NBAS: variants seen among roughly 807,000 people sequenced by gnomAD.
The protein encoded by NBAS is NBAS subunit of NRZ tethering complex.
In NBAS, 219 loss-of-function variants were observed where a neutral mutation model predicts 302.5. The observed-to-expected ratio is 0.72, with a 90% CI of 0.65 to 0.81. The LOEUF (loss-of-function observed/expected upper bound fraction) is 0.81, where lower values mean the gene tolerates loss of function less well. Among genes scored for constraint, NBAS ranks in the 30% least tolerant of loss-of-function variants. The probability of loss-of-function intolerance (pLI) is 0.00; values close to 1 mark genes in which losing one functional copy is unlikely to be tolerated. For missense variants in NBAS, 2,932 were observed against 2,841.6 expected (o/e 1.03, Z -0.72); for synonymous variants, 1,118 against 1,021.6 (o/e 1.09, Z -1.80).
At chr2:15,239,369 ATGTG>A (rs890480565) in intron 44 of NBAS, among the ~76,000 whole-genome samples, 9 of 139,584 alleles carry the variant, frequency 6.4e-5, no homozygotes, top group Non-Finnish European at 1.1e-4. Context: ...TTTCTATTTT[ATGTG>A]TGTGTGTATG....
At chr2:15,301,214 T>C (rs1240433976) in intron 40 of NBAS, among the ~76,000 whole-genome samples, 2 of 152,110 alleles carry the variant, frequency 1.3e-5, no homozygotes, top group East Asian at 3.9e-4. Context: ...AAAAAGCAGG[T>C]AAAGCCTGGA....
chr2:15,451,618 G>C (rs186935514), intron 21 of NBAS, among the ~76,000 whole-genome samples: 4 of 152,122 alleles, frequency 2.6e-5, no homozygotes, highest in Middle Eastern at 3.4e-3. Flanking sequence ...AATCAAATTT[G>C]TTCTACTGGA....
At chr2:15,310,784 G>T (rs1027667682) in intron 38 of NBAS, among the ~76,000 whole-genome samples, 1 of 152,186 alleles carries the variant, frequency 6.6e-6, no homozygotes, top group Admixed American at 6.5e-5. Flanking sequence ...CCCCACCTGG[G>T]TGTGTCCTGC....
intron 9 of NBAS, among the ~76,000 whole-genome samples, chr2:15,524,798 A>T (rs1327250326): frequency 4.8e-5 from 7 of 146,076 alleles, no homozygotes; most frequent in African/African-American, 1.2e-4. Flanking sequence ...CTAGGTATGC[A>T]TTTTTTTTTT....
intron 21 of NBAS, among the ~76,000 whole-genome samples, chr2:15,439,570 G>A (rs529485655): frequency 4.6e-5 from 7 of 152,234 alleles, no homozygotes; most frequent in Non-Finnish European, 7.4e-5. Context: ...AGCTCCCAGC[G>A]TGAGCGATGC....
At position 15,539,277 on chromosome 2, in the gene NBAS, T is replaced by C. The variant is rs139856532; in HGVS notation, c.459A>G (p.Thr153=). Residue 153 remains threonine, a synonymous_variant, in exon 7 of 52, where the codon ACA becomes ACG. Transcript: ENST00000281513. ...TGAGATCAAACACCCTCACAGTTCCTGTGCTTTCGGCATAGGCCAGTAGGG... is the reference window on the plus strand; with the variant it reads ...TGAGATCAAACACCCTCACAGTTCCCGTGCTTTCGGCATAGGCCAGTAGGG... ...DCTLLAYAES[T]GTVRVFDLMG... is the part of the protein sequence containing the mutation. 64 of 1,614,116 alleles carry C rather than the reference T, an allele frequency of 4.0e-5. No individual in the cohort carries two copies. The highest frequency in any genetic ancestry group is 5.0e-5 in the Non-Finnish European group (59 of 1,180,048).
the NBAS span, among the ~76,000 whole-genome samples, chr2:14,846,999 T>C: frequency 6.6e-6 from 1 of 152,038 alleles, no homozygotes; most frequent in African/African-American, 2.4e-5. Flanking sequence ...TGGACCAACC[T>C]CTCCAATCAA....
chr2:15,225,311 C>T (rs1429269720), intron 47 of NBAS, among the ~76,000 whole-genome samples: 2 of 152,082 alleles, frequency 1.3e-5, no homozygotes, highest in African/African-American at 2.4e-5. Flanking sequence ...TGAAGTGATA[C>T]AGAAATATTG....
At chr2:14,924,030 T>C in the NBAS span, among the ~76,000 whole-genome samples, 2 of 152,136 alleles carry the variant, frequency 1.3e-5, no homozygotes, top group Non-Finnish European at 2.9e-5. Context: ...ATGCAATCAC[T>C]TGGAAGCTCT....
intron 10 of NBAS, 44 bp from the exon 11 acceptor site, chr2:15,504,257 C>A: frequency 1.4e-6 from 2 of 1,439,440 alleles, no homozygotes; most frequent in South Asian, 1.1e-5. Flanking sequence ...ACTGAAATGA[C>A]TTATCGTTGT....
chr2:14,857,740 A>T, the NBAS span, among the ~76,000 whole-genome samples: 1 of 152,210 alleles, frequency 6.6e-6, no homozygotes, highest in Non-Finnish European at 1.5e-5. Context: ...CATTGGGGAA[A>T]ACTCTCCAGG....
the NBAS span, among the ~76,000 whole-genome samples, chr2:14,959,042 G>C: frequency 1.3e-5 from 2 of 152,176 alleles, no homozygotes; most frequent in Non-Finnish European, 1.5e-5. Flanking sequence ...GAAGGAAGGA[G>C]TTGAGAAGAA....
At chr2:15,209,470 CAGACAA>C (rs967893887) in intron 48 of NBAS, among the ~76,000 whole-genome samples, 2 of 151,916 alleles carry the variant, frequency 1.3e-5, no homozygotes, top group African/African-American at 4.8e-5. Flanking sequence ...ATACTAAACC[CAGACAA>C]AGACACATTA....
rs373368232 is a variant in NBAS at position 15,553,443 on chromosome 2, A to T, written c.318T>A (p.Asp106Glu). 6.2e-7 allele frequency: 1 copy of T among 1,611,036 alleles called. No homozygotes were observed. ...ACAATTACCTGATTTCCACACACTG[A>T]TCTTGAACAGCAGCCAAAAGCTTTC... ...SNGKLLAAVQ[D>E]QCVEIRSAKD... The change falls in exon 5 of 52, where the codon GAT becomes GAA. Residue 106 changes from aspartate to glutamate, a missense_variant. Asp to Glu is a conservative substitution (Grantham distance 45). Transcript: ENST00000281513.
At chr2:14,842,635 T>G in the NBAS span, among the ~76,000 whole-genome samples, 50 of 151,656 alleles carry the variant, frequency 3.3e-4, no homozygotes, top group African/African-American at 1.2e-3. Context: ...AATACAAAAC[T>G]TCATCAAACA....
At chr2:15,467,554 T>G (rs1679776582) in intron 18 of NBAS, 110 bp downstream of exon 18, 1 of 1,299,098 alleles carries the variant, frequency 7.7e-7, no homozygotes, top group Non-Finnish European at 1.1e-6. Context: ...GTAAGTACAT[T>G]TGATCTAAGT....
chr2:15,535,755 T>G (rs1027129287), intron 8 of NBAS, among the ~76,000 whole-genome samples: 2 of 152,112 alleles, frequency 1.3e-5, no homozygotes, highest in Non-Finnish European at 2.9e-5. Context: ...CAGACACAAT[T>G]TTTGAATGTT....
chr2:15,235,743 C>T (rs1018913186), intron 45 of NBAS, among the ~76,000 whole-genome samples: 14 of 152,206 alleles, frequency 9.2e-5, no homozygotes, highest in Non-Finnish European at 1.9e-4. Flanking sequence ...GGGAAGGCAG[C>T]GGTATGCATG....
the NBAS span, among the ~76,000 whole-genome samples, chr2:14,887,358 G>A: frequency 3.5e-5 from 5 of 144,042 alleles, no homozygotes; most frequent in Admixed American, 7.0e-5. Context: ...ATCTGAGATC[G>A]CGCCACCGCA....
Sources: gnomAD v4.1 joint callset for allele counts (sites outside exome capture counted in the v4.1 genomes callset) on GRCh38, gnomAD v4.1.1 for gene constraint, MANE v1.5 for transcripts, NCBI Gene and HGNC (gene_info 2026-07-23, HGNC 2026-07-21) for gene names.